CHIC1: variants seen among roughly 807,000 people sequenced by gnomAD.
CHIC1 encodes the protein cysteine-rich hydrophobic domain-containing protein 1.
A neutral mutation model predicts 18.5 loss-of-function variants in CHIC1; 7 were observed. The observed-to-expected ratio is 0.38, with a 90% CI of 0.22 to 0.71. CHIC1 has a LOEUF of 0.71. Among genes scored for constraint, CHIC1 ranks in the 30% least tolerant of loss-of-function variants. CHIC1 has a pLI of 0.49. For missense variants in CHIC1, 159 were observed against 176.9 expected, an observed-to-expected ratio of 0.90 and a Z score of 0.57; for synonymous variants, 77 against 73.5, an observed-to-expected ratio of 1.05 and a Z score of -0.25.
chrX:73,619,102 A>G (rs1236112059), intron 3 of CHIC1, among the ~76,000 whole-genome samples: 2 of 112,195 alleles, frequency 1.8e-5, no homozygotes, highest in Non-Finnish European at 3.8e-5. Flanking sequence ...TTCAGGGGTA[A>G]GATGATCCAC....
chrX:73,567,678 C>G (rs1248468355), intron 1 of CHIC1, among the ~76,000 whole-genome samples: 3 of 110,914 alleles, frequency 2.7e-5, no homozygotes, highest in Non-Finnish European at 5.7e-5. Context: ...TGGTTTTTCC[C>G]TTCACCTGCA....
chrX:73,679,525 G>T, intron 4 of CHIC1, 129 bp from the exon 5 acceptor site: 1 of 555,558 alleles, frequency 1.8e-6, no homozygotes, highest in Non-Finnish European at 2.8e-6. Flanking sequence ...TTCTTTACAA[G>T]GTATTTTTAA....
At chrX:73,661,370 C>G (rs1394897548) in intron 3 of CHIC1, among the ~76,000 whole-genome samples, 3 of 112,053 alleles carry the variant, frequency 2.7e-5, no homozygotes, top group Non-Finnish European at 5.6e-5. Flanking sequence ...AGGGTTAACA[C>G]CTCTTGAAGG....
chrX:73,628,912 C>A (rs1024090106), intron 3 of CHIC1, among the ~76,000 whole-genome samples: 2 of 111,192 alleles, frequency 1.8e-5, no homozygotes, highest in African/African-American at 6.6e-5. Context: ...CCATACTCTT[C>A]TACCTATTGA....
chrX:73,647,151 T>A (rs1190227471), intron 3 of CHIC1, among the ~76,000 whole-genome samples: 1 of 111,692 alleles, frequency 9.0e-6, no homozygotes, highest in East Asian at 2.8e-4. Flanking sequence ...AGGGAAACCA[T>A]GCTTTTTCTA....
intron 3 of CHIC1, among the ~76,000 whole-genome samples, chrX:73,633,618 A>T (rs774104859): frequency 9.0e-6 from 1 of 111,388 alleles, no homozygotes; most frequent in East Asian, 2.8e-4. Context: ...TATTTAAATA[A>T]GCTTTCTGTT....
intron 1 of CHIC1, among the ~76,000 whole-genome samples, chrX:73,572,052 A>T (rs2057473324): frequency 9.0e-6 from 1 of 110,816 alleles, no homozygotes; most frequent in African/African-American, 3.3e-5. Context: ...AATTGAACCC[A>T]TCACCCAGGT....
At chrX:73,618,778 T>G (rs2147582161) in intron 3 of CHIC1, among the ~76,000 whole-genome samples, 1 of 112,628 alleles carries the variant, frequency 8.9e-6, no homozygotes, top group South Asian at 3.7e-4. Flanking sequence ...ATATCTGCAC[T>G]CTGGATTCAC....
chrX:73,648,036 C>T (rs2057897361), intron 3 of CHIC1, among the ~76,000 whole-genome samples: 1 of 111,485 alleles, frequency 9.0e-6, no homozygotes. Context: ...TGCTGTTCTC[C>T]AGCCTCCAGG....
intron 3 of CHIC1, among the ~76,000 whole-genome samples, chrX:73,655,883 C>G (rs1208027880): frequency 9.1e-6 from 1 of 110,413 alleles, no homozygotes; most frequent in East Asian, 2.9e-4. Context: ...TGAGGAATTG[C>G]CACACTCTCT....
In CHIC1 at chrX:73,680,877, T is replaced by A. The variant is rs191450552; in HGVS notation, c.625-78T>A. On this transcript the variant is annotated intron_variant, in intron 5 of 5. Transcript: ENST00000373502. ...GAAATATTGTCCTATGAAAAATGAT[T>A]ATAGACTTTCTGGGTTATTTATAAG... 35 of 525,191 alleles carry A rather than the reference T, an allele frequency of 6.7e-5. No homozygotes were observed. In the African/African-American group the frequency reaches 7.6e-4, roughly 11 times the overall value. 43.3% of individuals were successfully genotyped at this position (525,191 alleles called of 1,213,427 possible). A position where few individuals can be genotyped will look rare whatever the true frequency, so the allele number is the denominator to read the frequency against.
At chrX:73,577,532 A>G in intron 2 of CHIC1, 71 bp downstream of exon 2, 1 of 790,806 alleles carries the variant, frequency 1.3e-6, no homozygotes, top group Non-Finnish European at 1.9e-6. Flanking sequence ...TGTTATGACA[A>G]ATGCTTTGAA....
chrX:73,671,824 G>A (rs2058032309), intron 3 of CHIC1, among the ~76,000 whole-genome samples: 1 of 108,316 alleles, frequency 9.2e-6, no homozygotes, highest in Admixed American at 9.9e-5. Flanking sequence ...CAACATGCAG[G>A]TTTGTTACAT....
intron 3 of CHIC1, among the ~76,000 whole-genome samples, chrX:73,616,257 G>C (rs750901177): frequency 9.0e-6 from 1 of 111,364 alleles, no homozygotes; most frequent in African/African-American, 3.3e-5. Flanking sequence ...GCATCTAGGG[G>C]CTCTCCTGTG....
chrX:73,653,475 A>G (rs56784259), intron 3 of CHIC1, among the ~76,000 whole-genome samples: 112 of 111,951 alleles, frequency 1.0e-3, no homozygotes, highest in African/African-American at 2.7e-3. Context: ...GCTTAGTAGT[A>G]TATTTTGAAA....
intron 3 of CHIC1, among the ~76,000 whole-genome samples, chrX:73,676,716 CCTT>C (rs2058065906): frequency 8.9e-6 from 1 of 111,800 alleles, no homozygotes; most frequent in Non-Finnish European, 1.9e-5. Flanking sequence ...TCATTTGAAG[CCTT>C]CTTCTCTCAA....
chrX:73,672,959 C>G lies in CHIC1; in HGVS notation c.508-6367C>G, dbSNP rs771942861. ...ATTTTTGTATAAGGTGTAAGGAAGG[C>G]ATCCAGTTTCAGCTTTCTACATATG... On this transcript the variant is annotated intron_variant, in intron 3 of 5. Transcript: ENST00000373502. Among the ~76,000 whole-genome samples the G allele has an allele frequency of 6.1e-3, 679 of 111,250 alleles. 8 individuals are homozygous for G. Among genetic ancestry groups the G allele is most frequent in the African/African-American group, 0.021 (625 of 30,270 alleles).
intron 3 of CHIC1, among the ~76,000 whole-genome samples, chrX:73,644,048 G>T (rs1462506930): frequency 2.7e-5 from 3 of 111,973 alleles, no homozygotes; most frequent in African/African-American, 9.7e-5. Context: ...GGTTTTTGGT[G>T]TGGATGTCCT....
intron 3 of CHIC1, among the ~76,000 whole-genome samples, chrX:73,627,598 C>T (rs975517006): frequency 8.9e-6 from 1 of 112,090 alleles, no homozygotes; most frequent in Admixed American, 9.5e-5. Context: ...CCTCATGCCA[C>T]GAAGAATTCT....
Sources: gnomAD v4.1 joint callset for allele counts (sites outside exome capture counted in the v4.1 genomes callset) on GRCh38, gnomAD v4.1.1 for gene constraint, MANE v1.5 for transcripts, NCBI Gene and HGNC (gene_info 2026-07-23, HGNC 2026-07-21) for gene names.